Variants in PTPRO observed in about 807,000 individuals in gnomAD.
The protein encoded by PTPRO is protein tyrosine phosphatase receptor type O.
PTPRO carries 62 observed loss-of-function variants against 145.2 expected under a neutral mutation model. The observed-to-expected ratio is 0.43, with a 90% confidence interval of 0.35 to 0.53. The LOEUF (loss-of-function observed/expected upper bound fraction) is 0.53, where lower values mean the gene tolerates loss of function less well. Among genes scored for constraint, PTPRO ranks in the 20% least tolerant of loss-of-function variants. The pLI is 0.01. For synonymous variants in PTPRO, 565 were observed against 514.7 expected, an observed-to-expected ratio of 1.10 and a Z score of -1.32; for missense variants, 1,345 against 1,482.7, an observed-to-expected ratio of 0.91 and a Z score of 1.53.
chr12:15,387,264 C>T (rs1939054476), intron 1 of PTPRO, among the ~76,000 whole-genome samples: 1 of 151,882 alleles, frequency 6.6e-6, no homozygotes, highest in Admixed American at 6.6e-5. Context: ...CAAACATACA[C>T]CCTAACCTCC....
At chr12:15,379,978 T>C (rs1407917685) in intron 1 of PTPRO, among the ~76,000 whole-genome samples, 1 of 152,160 alleles carries the variant, frequency 6.6e-6, no homozygotes, top group Non-Finnish European at 1.5e-5. Flanking sequence ...CTGGTTTTAA[T>C]TTTTTTAAGC....
chr12:15,372,107 T>C (rs1472674843), intron 1 of PTPRO, among the ~76,000 whole-genome samples: 1 of 152,220 alleles, frequency 6.6e-6, no homozygotes, highest in East Asian at 1.9e-4. Flanking sequence ...TTCTTTAAAT[T>C]GTGAACTTCT....
In PTPRO at chr12:15,578,904, C is replaced by G. The variant is rs765267151; in HGVS notation, c.2881C>G (p.Leu961Val). ...CCCACACTTTGCTGCAGATCTTCCA[C>G]TGAATCGATGTAAAAACCGTTACAC... The part of the protein sequence containing the change: ...DIPHFAADLP[L>V]NRCKNRYTNI... Residue 961 changes from leucine to valine, a missense_variant, in exon 20 of 27, where the codon CTG (leucine) becomes GTG (valine). Transcript: ENST00000281171. 2 of 1,607,558 alleles carry G rather than the reference C, an allele frequency of 1.2e-6. No individual in the cohort carries two copies. Among genetic ancestry groups the G allele is most frequent in the Non-Finnish European group, 1.7e-6 (2 of 1,174,194 alleles).
chr12:15,402,466 A>G (rs1018113279), intron 1 of PTPRO, among the ~76,000 whole-genome samples: 2 of 152,100 alleles, frequency 1.3e-5, no homozygotes, highest in African/African-American at 4.8e-5. Context: ...GCTTCTGCCT[A>G]GTGGAATCCT....
At chr12:15,498,241 T>C (rs760982708) in intron 3 of PTPRO, among the ~76,000 whole-genome samples, 8 of 152,192 alleles carry the variant, frequency 5.3e-5, no homozygotes, top group Non-Finnish European at 1.2e-4. Context: ...GATTTAGTTT[T>C]TCTGAGACAC....
rs536947137 is a variant in PTPRO, at chr12:15,528,418, G to A, written c.2164+2156G>A. ...CGGGTGCCTGTAGTCCCAGCTACTC[G>A]GGAGGCTGAGGCAGGAGAATGATGT... On this transcript the variant is annotated intron_variant, in intron 12 of 26. Transcript: ENST00000281171. 3.9e-3 allele frequency among the ~76,000 whole-genome samples: 584 copies of A among 151,132 alleles called. 3 individuals are homozygous for A. Among genetic ancestry groups the A allele is most frequent in the South Asian group, 0.013 (60 of 4,772 alleles).
intron 19 of PTPRO, among the ~76,000 whole-genome samples, chr12:15,572,721 T>G (rs142308384): frequency 1.3e-5 from 2 of 152,206 alleles, no homozygotes; most frequent in African/African-American, 2.4e-5. Flanking sequence ...TCTGCTTTTT[T>G]TTAAGTACAT....
chr12:15,517,804 T>C (rs1182781021), intron 9 of PTPRO, among the ~76,000 whole-genome samples: 1 of 152,232 alleles, frequency 6.6e-6, no homozygotes, highest in East Asian at 1.9e-4. Flanking sequence ...TCCCATGGTC[T>C]TAGGCAGTTC....
At chr12:15,448,955 GA>G (rs1218663512) in intron 1 of PTPRO, among the ~76,000 whole-genome samples, 2 of 150,828 alleles carry the variant, frequency 1.3e-5, no homozygotes, top group Non-Finnish European at 3.0e-5. Context: ...TGTGGAATCT[GA>G]AAAAAAAGGT....
chr12:15,439,722 A>G (rs1940704015), intron 1 of PTPRO: 1 of 521,506 alleles, frequency 1.9e-6, no homozygotes, highest in East Asian at 4.8e-5. Flanking sequence ...ACCGAGCTGG[A>G]CCTCCTAGTC....
intron 1 of PTPRO, among the ~76,000 whole-genome samples, chr12:15,477,657 A>G (rs931431259): frequency 1.3e-5 from 2 of 152,050 alleles, no homozygotes; most frequent in Non-Finnish European, 2.9e-5. Flanking sequence ...TAGCCTTCAG[A>G]GCGTGAGTCG....
rs1228561782 is a variant in PTPRO, at chr12:15,388,906, A to T, written c.75+66105A>T. On this transcript the variant is annotated intron_variant, in intron 1 of 26. Transcript: ENST00000281171. ...TAAATGAAATCCGCATAAAGTGTTCATTTTTTCTCCATTCTAGAAAAAAAA... is the reference window on the plus strand; with the variant it reads ...TAAATGAAATCCGCATAAAGTGTTCTTTTTTTCTCCATTCTAGAAAAAAAA... Among the ~76,000 whole-genome samples the T allele has an allele frequency of 2.6e-5, 4 of 151,078 alleles. No homozygotes were observed. The East Asian group carries it at 7.9e-4, about 30-fold the overall frequency.
intron 19 of PTPRO, among the ~76,000 whole-genome samples, chr12:15,573,543 T>C (rs1433751163): frequency 6.6e-6 from 1 of 152,210 alleles, no homozygotes; most frequent in Non-Finnish European, 1.5e-5. Flanking sequence ...AGAACATTAT[T>C]GGTCATATAT....
intron 1 of PTPRO, among the ~76,000 whole-genome samples, chr12:15,345,642 A>G (rs1239719563): frequency 6.6e-6 from 1 of 152,168 alleles, no homozygotes; most frequent in East Asian, 1.9e-4. Context: ...GAAATACCTA[A>G]TGTTGATGAT....
chr12:15,487,674 T>TAG (rs1482777278), intron 2 of PTPRO, among the ~76,000 whole-genome samples: 2 of 152,100 alleles, frequency 1.3e-5, no homozygotes, highest in African/African-American at 4.8e-5. Flanking sequence ...AGGGGAAAGC[T>TAG]AGAGAGAGAC....
At chr12:15,595,095 A>G in intron 26 of PTPRO, 38 bp downstream of exon 26, 3 of 1,314,644 alleles carry the variant, frequency 2.3e-6, no homozygotes, top group Non-Finnish European at 3.3e-6. Flanking sequence ...GCTCAGTCTT[A>G]GAACTATTAG....
intron 10 of PTPRO, among the ~76,000 whole-genome samples, chr12:15,523,600 C>CCCTG (rs1942773334): frequency 6.6e-6 from 1 of 151,952 alleles, no homozygotes; most frequent in Admixed American, 6.6e-5. Flanking sequence ...TATAGAAAGA[C>CCCTG]CCTGTCTCTA....
intron 1 of PTPRO, among the ~76,000 whole-genome samples, chr12:15,460,522 T>A (rs1941278186): frequency 6.6e-6 from 1 of 152,208 alleles, no homozygotes. Context: ...CATTGCCTGT[T>A]AGAAAACAAT....
At chr12:15,439,006 GTAAAGATCT>G (rs991639358) in intron 1 of PTPRO, among the ~76,000 whole-genome samples, 1 of 152,006 alleles carries the variant, frequency 6.6e-6, no homozygotes, top group African/African-American at 2.4e-5. Flanking sequence ...CTTTCCTTAG[GTAAAGATCT>G]TAAAGATCTG....
Sources: allele counts gnomAD v4.1 joint callset (sites outside exome capture counted in the v4.1 genomes callset), GRCh38; gene constraint gnomAD v4.1.1; transcripts MANE v1.5; gene names NCBI Gene and HGNC (gene_info 2026-07-23, HGNC 2026-07-21).